Variants in SETDB2 observed in about 807,000 individuals in gnomAD.
SETDB2 encodes the protein histone-lysine N-methyltransferase SETDB2.
A neutral mutation model predicts 82.5 loss-of-function variants in SETDB2; 56 were observed. The ratio of observed to expected loss-of-function variants is 0.68; its 90% CI spans 0.55 to 0.85. The LOEUF is 0.85. SETDB2 is among the 40% of genes least tolerant of loss of function. The pLI, the probability that SETDB2 is intolerant of heterozygous loss-of-function variation, is 0.00. For missense variants in SETDB2, 677 were observed against 816.4 expected, an observed-to-expected ratio of 0.83 and a Z score of 2.08; for synonymous variants, 272 against 284.9, an observed-to-expected ratio of 0.95 and a Z score of 0.46.
intron 13 of SETDB2, 137 bp downstream of exon 13, chr13:49,491,047 G>GT (rs891557856): frequency 2.1e-5 from 12 of 576,048 alleles, no homozygotes; most frequent in Non-Finnish European, 3.6e-5. Context: ...GAGCTCAGGA[G>GT]TTTAAGACCA....
chr13:49,462,351 T>C (rs1958012752), intron 4 of SETDB2, among the ~76,000 whole-genome samples: 1 of 152,178 alleles, frequency 6.6e-6, no homozygotes, highest in Non-Finnish European at 1.5e-5. Flanking sequence ...GTCATCTCAT[T>C]AGCATACAAA....
Position 49,488,517 on chromosome 13 carries a change from G to A in SETDB2, c.1804G>A (p.Glu602Lys), listed in dbSNP as rs1354493869. The A allele has an allele frequency of 2.5e-6, 4 of 1,613,978 alleles. No individual in the cohort carries two copies. The highest frequency in any genetic ancestry group is 3.4e-6 in the Non-Finnish European group (4 of 1,179,990). The change falls in exon 12 of 14, where the codon GAG becomes AAG. Residue 602 changes from glutamate (E) to lysine (K), a missense_variant. Coordinates refer to ENST00000611815, the MANE Select transcript of SETDB2 (RefSeq NM_001160308.3). ...AAGACAGCAGGTATTTTGTGATGAA[G>A]AGTTGCTAAGTGAAACCAAGAATAC... ...CQRQQVFCDEELLSETKNTSS... is the reference protein window; with the variant it reads ...CQRQQVFCDEKLLSETKNTSS...
intron 8 of SETDB2, chr13:49,482,033 C>G: frequency 8.1e-6 from 8 of 984,938 alleles, no homozygotes; most frequent in Non-Finnish European, 9.6e-6. Context: ...ATTTACAGAT[C>G]CACATTCTAC....
At chr13:49,483,591 C>A in intron 10 of SETDB2, 28 bp downstream of exon 10, 1 of 806,054 alleles carries the variant, frequency 1.2e-6, no homozygotes, top group Non-Finnish European at 1.9e-6. Flanking sequence ...TAGTTGGGAC[C>A]CTTCTTTTCT....
chr13:49,462,203 T>C (rs1303753644), intron 4 of SETDB2, among the ~76,000 whole-genome samples: 1 of 152,228 alleles, frequency 6.6e-6, no homozygotes, highest in Non-Finnish European at 1.5e-5. Context: ...TGCCTCTTTC[T>C]CTTCCCTGGA....
Position 49,471,934 on chromosome 13 carries a change from A to ATATATATAT in SETDB2, c.305+3975_305+3976insATATATATT, listed in dbSNP as rs1378783393. ...GTGACATATATATATATATATATAT[A>ATATATATAT]TTTTTTTTTTTTTTTAAATAGAGAC... On this transcript the variant is annotated intron_variant, in intron 5 of 13. Coordinates refer to ENST00000611815, the MANE Select transcript of SETDB2 (RefSeq NM_001160308.3). 6.7e-5 allele frequency among the ~76,000 whole-genome samples: 8 copies of ATATATATAT among 119,260 alleles called. No homozygotes were observed. The East Asian group carries it at 7.2e-4, about 11-fold the overall frequency. The allele number at this position is 119,260 out of a possible 152,430, so 78.2% of individuals were successfully genotyped here.
chr13:49,462,684 G>C (rs1214301099), intron 4 of SETDB2, among the ~76,000 whole-genome samples: 1 of 152,186 alleles, frequency 6.6e-6, no homozygotes, highest in Non-Finnish European at 1.5e-5. Context: ...AATGCTGTTA[G>C]ATGTTGTCAA....
chr13:49,456,706 A>G (rs1363762464), intron 2 of SETDB2, among the ~76,000 whole-genome samples: 1 of 152,220 alleles, frequency 6.6e-6, no homozygotes. Context: ...TTTGTATTGT[A>G]GTAACTATGT....
chr13:49,481,709 C>T (rs1356367210), intron 8 of SETDB2, among the ~76,000 whole-genome samples: 2 of 152,210 alleles, frequency 1.3e-5, no homozygotes, highest in Non-Finnish European at 2.9e-5. Flanking sequence ...ACACATCAGT[C>T]TTCAGTAGTC....
intron 4 of SETDB2, among the ~76,000 whole-genome samples, chr13:49,466,026 TG>T (rs1419802814): frequency 6.6e-6 from 1 of 152,192 alleles, no homozygotes; most frequent in African/African-American, 2.4e-5. Context: ...TACAGATATT[TG>T]ATTGGCTACT....
At chr13:49,464,115 A>G (rs1958053531) in intron 4 of SETDB2, 4 of 765,080 alleles carry the variant, frequency 5.2e-6, no homozygotes. Context: ...GCAGAGGGGC[A>G]CTTCTGGAAG....
intron 3 of SETDB2, among the ~76,000 whole-genome samples, chr13:49,460,749 T>C (rs7324805): frequency 0.048 from 7,265 of 152,236 alleles, 255 homozygotes; most frequent in South Asian, 0.13. Flanking sequence ...TTGAAGCAAA[T>C]TTTTCTCCAG....
intron 8 of SETDB2, chr13:49,482,123 G>A: frequency 1.0e-6 from 1 of 985,396 alleles, no homozygotes; most frequent in Non-Finnish European, 1.2e-6. Flanking sequence ...GCCAGGTGGT[G>A]TCCAGGAAGT....
At chr13:49,454,222 G>A (rs942848219) in intron 2 of SETDB2, among the ~76,000 whole-genome samples, 55 of 151,926 alleles carry the variant, frequency 3.6e-4, no homozygotes, top group African/African-American at 1.3e-3. Context: ...GGTAAACATG[G>A]CAAAATCCTG....
At chr13:49,474,469 C>T (rs2138930167) in intron 5 of SETDB2, among the ~76,000 whole-genome samples, 1 of 152,254 alleles carries the variant, frequency 6.6e-6, no homozygotes, top group African/African-American at 2.4e-5. Flanking sequence ...CCTAGCACTC[C>T]CACTTCTGGG....
At chr13:49,467,775 A>T in intron 4 of SETDB2, 89 bp from the exon 5 acceptor site, 1 of 890,092 alleles carries the variant, frequency 1.1e-6, no homozygotes, top group Non-Finnish European at 1.6e-6. Context: ...ATATGGGCAG[A>T]CTCTAGTCAA....
chr13:49,483,338 T>C, intron 9 of SETDB2, 126 bp from the exon 10 acceptor site: 1 of 431,958 alleles, frequency 2.3e-6, no homozygotes. Context: ...TAAACATAGA[T>C]GTTCTTACTT....
rs1405786971 is a variant in SETDB2 at position 49,460,157 on chromosome 13, T to A, written c.67T>A (p.Phe23Ile). The A allele has an allele frequency of 2.5e-6, 4 of 1,613,472 alleles. No homozygotes were observed. The South Asian group carries it at 4.4e-5, about 18-fold the overall frequency. ...MELEDDGKVD[F>I]IFEQVQNVLQ... ...GCTAGAAGATGATGGAAAAGTGGAC[T>A]TCATTTTTGAACAAGTACAAAATGT... Residue 23 changes from phenylalanine to isoleucine, a missense_variant, in exon 3 of 14, where the codon TTC (phenylalanine) becomes ATC (isoleucine). Physicochemically the swap from Phe to Ile is conservative, Grantham distance 21 (BLOSUM62 0). This residue lies in a region of SETDB2 where 243 missense variants were observed against 237.2 expected (regional missense o/e 1.02). Coordinates refer to ENST00000611815, the MANE Select transcript of SETDB2 (RefSeq NM_001160308.3).
In SETDB2 at chr13:49,457,816, G is replaced by A. The variant is rs1048920627; in HGVS notation, c.17-2291G>A. ...CACAGCTTTTTTTTCCTCAGTCCAGGACAAAATTTTATGTGATTCCAGAAT... is the reference window on the plus strand; with the variant it reads ...CACAGCTTTTTTTTCCTCAGTCCAGAACAAAATTTTATGTGATTCCAGAAT... On this transcript the variant is annotated intron_variant, in intron 2 of 13. Coordinates refer to ENST00000611815, the MANE Select transcript of SETDB2 (RefSeq NM_001160308.3). Among the ~76,000 whole-genome samples, 3 of 151,970 alleles carry A rather than the reference G, an allele frequency of 2.0e-5. No individual in the cohort carries two copies. In the East Asian group the frequency reaches 5.8e-4, roughly 29 times the overall value.
Sources: allele counts gnomAD v4.1 joint callset (sites outside exome capture counted in the v4.1 genomes callset), GRCh38; gene constraint gnomAD v4.1.1; regional missense constraint gnomAD v4.1.1; transcripts MANE v1.5; gene names NCBI Gene and HGNC (gene_info 2026-07-23, HGNC 2026-07-21).